The following ZFP64 variants were observed in gnomAD, a reference collection of about 807,000 sequenced individuals.
The protein encoded by ZFP64 is ZFP64 zinc finger protein.
Under a neutral mutation model 51.6 loss-of-function variants are expected in ZFP64, and 14 were observed. That is an observed-to-expected ratio of 0.27 (90% CI 0.18 to 0.42). The LOEUF is 0.42. Among genes scored for constraint, ZFP64 ranks in the 10% least tolerant of loss-of-function variants. The probability of loss-of-function intolerance (pLI) is 1.00; values close to 1 mark genes in which losing one functional copy is unlikely to be tolerated. For missense variants in ZFP64, 754 were observed against 906.8 expected (o/e 0.83, Z 2.16); for synonymous variants, 375 against 361.4 (o/e 1.04, Z -0.43).
At chr20:52,138,015 A>G (rs1482798406) in intron 5 of ZFP64, among the ~76,000 whole-genome samples, 1 of 99,106 alleles carries the variant, frequency 1.0e-5, no homozygotes, top group Non-Finnish European at 2.3e-5. Context: ...ATCTTTACAA[A>G]AATAAATAAA....
chr20:52,152,690 A>G lies in ZFP64; in HGVS notation c.1502T>C (p.Val501Ala), dbSNP rs1368618764. ...GTTCGCCTGGGGCACCTGATGCCCAACGATGATTTTGACTCTTCCCTCGCT... is the reference window on the plus strand; with the variant it reads ...GTTCGCCTGGGGCACCTGATGCCCAGCGATGATTTTGACTCTTCCCTCGCT... ...QFSEGRVKII[V>A]GHQVPQANTI... Residue 501 changes from valine to alanine, a missense_variant, in exon 6 of 6, where the codon GTT becomes GCT. By Grantham distance (64) the Val-to-Ala change is moderately conservative. Transcript: ENST00000216923. 9 of 1,549,018 alleles carry G rather than the reference A, an allele frequency of 5.8e-6. No individual in the cohort carries two copies. Among genetic ancestry groups the G allele is most frequent in the African/African-American group, 4.1e-5 (3 of 73,378 alleles).
chr20:52,107,813 G>A (rs1315743516), intron 5 of ZFP64, among the ~76,000 whole-genome samples: 1 of 152,244 alleles, frequency 6.6e-6, no homozygotes, highest in Non-Finnish European at 1.5e-5. Flanking sequence ...TGTGAACAGT[G>A]CTGCTATGAT....
At chr20:52,109,794 A>C (rs1263297002) in intron 5 of ZFP64, among the ~76,000 whole-genome samples, 1 of 151,516 alleles carries the variant, frequency 6.6e-6, no homozygotes, top group South Asian at 2.1e-4. Flanking sequence ...AAAAAAAAAA[A>C]AAAAAAAAGA....
intron 2 of ZFP64, among the ~76,000 whole-genome samples, chr20:52,166,356 G>A (rs926028936): frequency 2.2e-4 from 34 of 152,272 alleles, no homozygotes; most frequent in African/African-American, 7.7e-4. Flanking sequence ...GAGTGATGAT[G>A]TGATGCCTGG....
intron 5 of ZFP64, among the ~76,000 whole-genome samples, chr20:52,156,604 T>C (rs752466745): frequency 8.5e-5 from 13 of 152,144 alleles, no homozygotes; most frequent in Non-Finnish European, 1.3e-4. Context: ...AAAAAGCATA[T>C]TGCATCTATT....
At chr20:52,119,520 T>TA (rs11409645) in intron 5 of ZFP64, among the ~76,000 whole-genome samples, 19,270 of 99,738 alleles carry the variant, frequency 0.19, 1,996 homozygotes, top group East Asian at 0.36. Flanking sequence ...AGACTTCATC[T>TA]AAAAAAAAAA....
At chr20:52,175,939 C>T (rs1409474369) in intron 2 of ZFP64, 5 of 977,562 alleles carry the variant, frequency 5.1e-6, no homozygotes, top group African/African-American at 1.8e-5. Context: ...TGTTCCCAAA[C>T]GGCCTTTACC....
At chr20:52,084,777 T>C (rs1337472583) in exon 9 of ZFP64, 6 of 1,614,230 alleles carry the variant, frequency 3.7e-6, no homozygotes, top group Admixed American at 1.7e-5. Context: ...CGTCACGATC[T>C]TGGCCACGTG....
In ZFP64 at chr20:52,085,753, A is replaced by T. The variant is rs779129920; in HGVS notation, c.1229-487T>A. Among the ~76,000 whole-genome samples the T allele has an allele frequency of 2.0e-5, 3 of 152,196 alleles. No individual in the cohort carries two copies. The highest frequency in any genetic ancestry group is 4.4e-5 in the Non-Finnish European group (3 of 68,028). On this transcript the variant is annotated intron_variant, in intron 8 of 8. Coordinates refer to the ZFP64 transcript ENST00000361387. This position sits in a 1 kb window ranked among gnomAD's most constrained non-coding sequence, Gnocchi z 4.3. Reference sequence around the variant, plus strand: ...TTATTGAGCTTGTATTTCAAGTTAAAGTTTCTTACTTTTATAACTACAGGC... The same window carrying T: ...TTATTGAGCTTGTATTTCAAGTTAATGTTTCTTACTTTTATAACTACAGGC...
At chr20:52,172,337 A>T (rs1215522797) in intron 2 of ZFP64, among the ~76,000 whole-genome samples, 6 of 152,034 alleles carry the variant, frequency 3.9e-5, no homozygotes. Context: ...TGTCGGTAAA[A>T]TGGGGATATT....
chr20:52,140,206 G>A (rs1270422483), intron 5 of ZFP64, among the ~76,000 whole-genome samples: 2 of 152,006 alleles, frequency 1.3e-5, no homozygotes, highest in Admixed American at 1.3e-4. Flanking sequence ...TTGAAATTAG[G>A]CCAATTAATA....
Position 52,191,661 on chromosome 20 carries a change from C to T in ZFP64, c.-25G>A. ...TGGCCGCAGACTGGGAGGTCCCCGG[C>T]CGGCCGGGATGCCAAAGTGGGGGAC... On this transcript the variant is annotated 5_prime_UTR_variant, in exon 1 of 6. Transcript: ENST00000216923. This position sits in a 1 kb window ranked among gnomAD's most constrained non-coding sequence, Gnocchi z 4.3. 6.3e-7 allele frequency: 1 copy of T among 1,575,212 alleles called. No homozygotes were observed. Among genetic ancestry groups the T allele is most frequent in the East Asian group, 2.4e-5 (1 of 41,994 alleles).
At chr20:52,111,453 G>T (rs1209782450) in intron 5 of ZFP64, among the ~76,000 whole-genome samples, 1 of 151,914 alleles carries the variant, frequency 6.6e-6, no homozygotes, top group Admixed American at 6.6e-5. Context: ...AACCTCAGGT[G>T]ATCTGCCTGC....
At chr20:52,105,196 G>T (rs780134582) in intron 5 of ZFP64, 3 of 1,433,952 alleles carry the variant, frequency 2.1e-6, no homozygotes, top group Non-Finnish European at 2.7e-6. Context: ...GCGGCTCCTC[G>T]GAGTTGAGGT....
chr20:52,190,818 G>A (rs1449855297), intron 1 of ZFP64, among the ~76,000 whole-genome samples: 4 of 152,144 alleles, frequency 2.6e-5, no homozygotes, highest in African/African-American at 9.7e-5. Context: ...TGGTAGATGG[G>A]TTCTCAAACT....
chr20:52,105,466 C>T (rs1978307138), intron 5 of ZFP64: 2 of 828,890 alleles, frequency 2.4e-6, no homozygotes, highest in African/African-American at 3.5e-5. Context: ...CCCGCGCCAC[C>T]TGGGAGCTCG....
chr20:52,098,136 G>A (rs966377504), intron 6 of ZFP64, among the ~76,000 whole-genome samples: 3 of 141,382 alleles, frequency 2.1e-5, no homozygotes, highest in African/African-American at 8.1e-5. Context: ...TCACACCATT[G>A]CACTCCAGCC....
chr20:52,139,412 ACAC>A (rs1252375967), intron 5 of ZFP64, among the ~76,000 whole-genome samples: 3 of 152,242 alleles, frequency 2.0e-5, no homozygotes, highest in African/African-American at 7.2e-5. Context: ...AGAAAACCGA[ACAC>A]CACATGTTCT....
At chr20:52,163,716 T>C (rs1982013380) in intron 4 of ZFP64, among the ~76,000 whole-genome samples, 1 of 152,198 alleles carries the variant, frequency 6.6e-6, no homozygotes, top group Non-Finnish European at 1.5e-5. Context: ...AAGCCAAAAC[T>C]CCCTGCATCT....
Sources: allele counts gnomAD v4.1 joint callset (sites outside exome capture counted in the v4.1 genomes callset), GRCh38; gene constraint gnomAD v4.1.1; non-coding constraint Gnocchi (gnomAD v3.1); transcripts MANE v1.5; gene names NCBI Gene and HGNC (gene_info 2026-07-23, HGNC 2026-07-21).